Variants in BIRC6 observed in about 807,000 individuals in gnomAD.
BIRC6 encodes the protein baculoviral IAP repeat containing 6, also known as dual E2 ubiquitin-conjugating enzyme/E3 ubiquitin-protein ligase BIRC6.
Under a neutral mutation model 503.3 loss-of-function variants are expected in BIRC6, and 98 were observed. The observed-to-expected ratio is 0.19, with a 90% CI of 0.17 to 0.23. The LOEUF (loss-of-function observed/expected upper bound fraction) is 0.23, where lower values mean the gene tolerates loss of function less well. Ranked by LOEUF, BIRC6 falls within the 10% of genes least tolerant of loss-of-function variation. The pLI is 1.00. For missense variants in BIRC6, 5,360 were observed against 5,806.0 expected (o/e 0.92, Z 2.50); for synonymous variants, 2,240 against 2,078.7 (o/e 1.08, Z -2.11).
chr2:32,429,450 A>G lies in BIRC6; in HGVS notation c.3022+155A>G, dbSNP rs116138667. On this transcript the variant is annotated intron_variant, in intron 11 of 73. Transcript: ENST00000421745. The stretch of plus-strand genomic sequence containing the variant: ...ATTTGTGAAGTCATCTAAGAGGTTA[A>G]AACAAACATTTCAGCCATTAATGAG... 1.5e-3 allele frequency among the ~76,000 whole-genome samples: 231 copies of G among 152,298 alleles called. 1 individual carries two copies. The highest frequency in any genetic ancestry group is 6.8e-3 in the Middle Eastern group (2 of 294).
Position 32,469,491 on chromosome 2 carries a change from G to C in BIRC6, c.6224G>C (p.Arg2075Pro). The C allele has an allele frequency of 1.2e-6, 2 of 1,613,834 alleles. No individual in the cohort carries two copies. Among genetic ancestry groups the C allele is most frequent in the Non-Finnish European group, 1.7e-6 (2 of 1,179,810 alleles). Residue 2075 changes from arginine to proline, a missense_variant, in exon 30 of 74, where the codon CGG becomes CCG. Coordinates refer to ENST00000421745, the MANE Select transcript of BIRC6 (RefSeq NM_016252.4). ...TGCATCAGTGGAACCCCAAAGATAC[G>C]GTTACATACTGGTCTTCTTCTTGTT... ...HLCISGTPKI[R>P]LHTGLLLVQL...
At chr2:32,458,314 C>T (rs1381324607) in intron 23 of BIRC6, among the ~76,000 whole-genome samples, 4 of 152,094 alleles carry the variant, frequency 2.6e-5, no homozygotes, top group Admixed American at 2.6e-4. Context: ...AGTTGATAGC[C>T]TCCTGAAGTT....
At chr2:32,453,981 T>G in intron 23 of BIRC6, 39 bp downstream of exon 23, 5 of 1,486,492 alleles carry the variant, frequency 3.4e-6, no homozygotes, top group Non-Finnish European at 3.7e-6. Context: ...ATTATATACT[T>G]TATGCAGTAA....
intron 15 of BIRC6, among the ~76,000 whole-genome samples, chr2:32,438,317 C>T (rs1239820399): frequency 6.6e-6 from 1 of 152,008 alleles, no homozygotes; most frequent in African/African-American, 2.4e-5. Flanking sequence ...GAGAATAGTA[C>T]AGTAGTGTTA....
intron 15 of BIRC6, among the ~76,000 whole-genome samples, chr2:32,437,092 G>A (rs1341677620): frequency 6.6e-6 from 1 of 151,688 alleles, no homozygotes; most frequent in East Asian, 1.9e-4. Flanking sequence ...GTTTCATCAT[G>A]TCGCCCAGGG....
At chr2:32,583,201 G>T (rs2060800234) in intron 66 of BIRC6, among the ~76,000 whole-genome samples, 1 of 152,208 alleles carries the variant, frequency 6.6e-6, no homozygotes, top group African/African-American at 2.4e-5. Flanking sequence ...GCAGCTAGGG[G>T]TGTTTAATGG....
At chr2:32,529,338 A>G (rs2056546329) in intron 59 of BIRC6, 1 of 223,228 alleles carries the variant, frequency 4.5e-6, no homozygotes, top group Non-Finnish European at 8.8e-6. Context: ...TGGCCCCCCC[A>G]GGTTAAAGTA....
At chr2:32,449,539 G>A (rs528997400) in intron 22 of BIRC6, among the ~76,000 whole-genome samples, 158 of 151,766 alleles carry the variant, frequency 1.0e-3, no homozygotes, top group African/African-American at 3.6e-3. Flanking sequence ...TTTTTCTTCC[G>A]TCTAATTGTA....
At chr2:32,436,241 CG>C in intron 15 of BIRC6, 57 bp downstream of exon 15, 2 of 1,284,770 alleles carry the variant, frequency 1.6e-6, no homozygotes, top group East Asian at 2.9e-5. Context: ...GTAAAAAAGA[CG>C]AAAAAAAACT....
intron 26 of BIRC6, among the ~76,000 whole-genome samples, chr2:32,466,974 C>A (rs1338464437): frequency 6.6e-6 from 1 of 152,012 alleles, no homozygotes; most frequent in East Asian, 1.9e-4. Flanking sequence ...AAAAAATTAG[C>A]CGGGCATGGC....
chr2:32,603,650 G>A (rs1295106034), intron 71 of BIRC6, among the ~76,000 whole-genome samples: 2 of 152,054 alleles, frequency 1.3e-5, no homozygotes, highest in Non-Finnish European at 2.9e-5. Flanking sequence ...CTGGAACCCC[G>A]GAGGAGGAGA....
chr2:32,539,882 A>G (rs2057525442), intron 61 of BIRC6, among the ~76,000 whole-genome samples: 1 of 152,102 alleles, frequency 6.6e-6, no homozygotes, highest in South Asian at 2.1e-4. Flanking sequence ...TGAGACTTCT[A>G]GTAAAATTGA....
intron 65 of BIRC6, among the ~76,000 whole-genome samples, chr2:32,551,650 A>G (rs1176014387): frequency 6.6e-6 from 1 of 152,130 alleles, no homozygotes; most frequent in East Asian, 1.9e-4. Flanking sequence ...TAAAATTTCT[A>G]TTTTGGAAAA....
intron 4 of BIRC6, 141 bp from the exon 5 acceptor site, chr2:32,391,898 A>C: frequency 1.8e-6 from 1 of 569,046 alleles, no homozygotes; most frequent in South Asian, 2.7e-5. Flanking sequence ...TTTTAGTTTA[A>C]AGTAAAAAAT....
intron 32 of BIRC6, chr2:32,472,875 T>C: frequency 3.0e-6 from 1 of 329,846 alleles, no homozygotes; most frequent in Non-Finnish European, 5.5e-6. Flanking sequence ...AAATGAAAGA[T>C]TGGAGACAGA....
intron 1 of BIRC6, among the ~76,000 whole-genome samples, chr2:32,368,624 T>C (rs1354958262): frequency 6.6e-6 from 1 of 152,128 alleles, no homozygotes; most frequent in Non-Finnish European, 1.5e-5. Context: ...GAAGTTTGTT[T>C]AGTGTGTCTG....
At chr2:32,614,059 T>G (rs1461572455) in intron 73 of BIRC6, among the ~76,000 whole-genome samples, 1 of 152,232 alleles carries the variant, frequency 6.6e-6, no homozygotes, top group East Asian at 1.9e-4. Flanking sequence ...AAGGAGATTT[T>G]CCTCAAATCA....
At chr2:32,489,845 A>G (rs2051475127) in intron 42 of BIRC6, among the ~76,000 whole-genome samples, 196 bp from the exon 43 acceptor site, 1 of 152,200 alleles carries the variant, frequency 6.6e-6, no homozygotes, top group Admixed American at 6.5e-5. Context: ...TTTAAACCTT[A>G]TCCTAAAATG....
intron 8 of BIRC6, among the ~76,000 whole-genome samples, chr2:32,405,306 T>G (rs2041074526): frequency 6.6e-6 from 1 of 152,208 alleles, no homozygotes; most frequent in African/African-American, 2.4e-5. Flanking sequence ...TTAAACTTTT[T>G]TTGCATTTTT....
Sources: gnomAD v4.1 joint callset for allele counts (sites outside exome capture counted in the v4.1 genomes callset) on GRCh38, gnomAD v4.1.1 for gene constraint, MANE v1.5 for transcripts, NCBI Gene and HGNC (gene_info 2026-07-23, HGNC 2026-07-21) for gene names.